The following SYT1 variants were observed in gnomAD, a reference collection of about 807,000 sequenced individuals.
SYT1 encodes synaptotagmin-1.
SYT1 carries 8 observed loss-of-function variants against 44.8 expected under a neutral mutation model. That is an observed-to-expected ratio of 0.18 (90% CI 0.10 to 0.32). SYT1 has a LOEUF of 0.32. SYT1 is among the 10% of genes least tolerant of loss of function. The pLI is 1.00. For synonymous variants in SYT1, 154 were observed against 188.8 expected, an observed-to-expected ratio of 0.82 and a Z score of 1.51; for missense variants, 286 against 509.3, an observed-to-expected ratio of 0.56 and a Z score of 4.22.
chr12:78,957,505 A>T (rs112157835), intron 1 of SYT1, among the ~76,000 whole-genome samples: 1,650 of 152,302 alleles, frequency 0.011, 15 homozygotes, highest in Non-Finnish European at 0.016. Flanking sequence ...CTTTGGGATG[A>T]ATTTTATTGA....
chr12:79,450,090 TTC>T lies in SYT1; in HGVS notation c.*968_*969del, dbSNP rs920431106. 2.0e-5 allele frequency: 3 copies of T among 152,366 alleles called. No individual in the cohort carries two copies. Among genetic ancestry groups the T allele is most frequent in the African/African-American group, 7.2e-5 (3 of 41,416 alleles). 9.4% of individuals were successfully genotyped at this position (152,366 alleles called of 1,614,324 possible). ...TTATACAAAATGTACATCCTGTGAA[TTC>T]TGTTCCAGATTTCACACCTACAATA... On this transcript the variant is annotated 3_prime_UTR_variant, in exon 11 of 11. Coordinates refer to ENST00000261205, the MANE Select transcript of SYT1 (RefSeq NM_005639.3).
intron 1 of SYT1, among the ~76,000 whole-genome samples, chr12:78,875,398 A>G (rs1874013403): frequency 6.6e-6 from 1 of 151,576 alleles, no homozygotes. Context: ...TATATAATAA[A>G]TACTATAAAA....
At chr12:79,068,483 G>A (rs1876032002) in intron 3 of SYT1, among the ~76,000 whole-genome samples, 1 of 152,120 alleles carries the variant, frequency 6.6e-6, no homozygotes, top group Admixed American at 6.6e-5. Flanking sequence ...CATATGCGAA[G>A]TGGATAAATT....
At chr12:79,123,818 C>A (rs1014301450) in intron 3 of SYT1, among the ~76,000 whole-genome samples, 5 of 151,796 alleles carry the variant, frequency 3.3e-5, no homozygotes, top group African/African-American at 9.7e-5. Context: ...AATATTAGTT[C>A]TTTATTTCAT....
intron 4 of SYT1, among the ~76,000 whole-genome samples, chr12:79,252,319 G>GATT (rs1185449723): frequency 6.6e-6 from 1 of 151,984 alleles, no homozygotes; most frequent in Non-Finnish European, 1.5e-5. Flanking sequence ...TAATTTTAAG[G>GATT]ATTATTATCA....
chr12:79,331,614 C>T (rs1881858680), intron 8 of SYT1, among the ~76,000 whole-genome samples: 1 of 152,088 alleles, frequency 6.6e-6, no homozygotes, highest in South Asian at 2.1e-4. Context: ...CCCTTTGCAG[C>T]ATTTTTTATC....
chr12:79,386,459 A>G (rs905076722), intron 9 of SYT1, among the ~76,000 whole-genome samples: 1 of 151,970 alleles, frequency 6.6e-6, no homozygotes, highest in Non-Finnish European at 1.5e-5. Context: ...CCATCAACCC[A>G]TCATCTACAT....
chr12:78,983,143 C>T (rs1024790390), intron 2 of SYT1, among the ~76,000 whole-genome samples: 2 of 151,558 alleles, frequency 1.3e-5, no homozygotes, highest in Non-Finnish European at 2.9e-5. Context: ...TTGATTCTTA[C>T]TGTTTTCAAC....
intron 3 of SYT1, among the ~76,000 whole-genome samples, chr12:79,149,148 T>C (rs1212295425): frequency 2.6e-5 from 4 of 152,072 alleles, no homozygotes; most frequent in African/African-American, 7.2e-5. Context: ...ATTTTTTTAC[T>C]TTATTTGACT....
At chr12:79,406,083 A>T (rs1885233953) in intron 9 of SYT1, among the ~76,000 whole-genome samples, 1 of 152,180 alleles carries the variant, frequency 6.6e-6, no homozygotes, top group South Asian at 2.1e-4. Context: ...AAAGGGAGTC[A>T]GTAAGACCAA....
At chr12:79,225,868 T>A (rs908223057) in intron 4 of SYT1, among the ~76,000 whole-genome samples, 6 of 152,186 alleles carry the variant, frequency 3.9e-5, no homozygotes, top group African/African-American at 1.4e-4. Context: ...TCTCACCCCA[T>A]CTTTGCCAGT....
intron 9 of SYT1, among the ~76,000 whole-genome samples, chr12:79,389,092 T>C (rs934644517): frequency 6.6e-6 from 1 of 152,238 alleles, no homozygotes; most frequent in Admixed American, 6.5e-5. Flanking sequence ...ACTCTCTCTC[T>C]ACTTACAACA....
intron 1 of SYT1, among the ~76,000 whole-genome samples, chr12:78,877,491 C>T (rs1565698320): frequency 6.6e-6 from 1 of 151,656 alleles, no homozygotes; most frequent in African/African-American, 2.4e-5. Context: ...TATTTTCTAA[C>T]ATTTTTAACT....
At chr12:79,041,249 C>T (rs1873545539) in intron 2 of SYT1, among the ~76,000 whole-genome samples, 1 of 152,072 alleles carries the variant, frequency 6.6e-6, no homozygotes, top group East Asian at 1.9e-4. Flanking sequence ...ATTCTTCCTA[C>T]CCATGAGCAT....
At chr12:78,870,538 G>A (rs932987624) in intron 1 of SYT1, among the ~76,000 whole-genome samples, 1 of 152,030 alleles carries the variant, frequency 6.6e-6, no homozygotes, top group Non-Finnish European at 1.5e-5. Context: ...AAACATATTT[G>A]AAGAGTTTGA....
intron 2 of SYT1, among the ~76,000 whole-genome samples, chr12:79,005,446 C>T (rs985222058): frequency 3.3e-5 from 5 of 152,010 alleles, no homozygotes; most frequent in Admixed American, 1.3e-4. Flanking sequence ...CACTCATCTA[C>T]AGTTTCCTTA....
At chr12:78,944,833 T>C (rs943531292) in intron 1 of SYT1, among the ~76,000 whole-genome samples, 4 of 152,208 alleles carry the variant, frequency 2.6e-5, no homozygotes, top group Non-Finnish European at 1.5e-5. Context: ...TGTAGTCTTA[T>C]GTCATAATAA....
chr12:79,359,688 C>T (rs962695079), intron 9 of SYT1, among the ~76,000 whole-genome samples: 5 of 152,102 alleles, frequency 3.3e-5, no homozygotes, highest in East Asian at 1.9e-4. Flanking sequence ...GTCCCCCTCC[C>T]TCCACCCACA....
chr12:79,140,555 G>A (rs780686118), intron 3 of SYT1, among the ~76,000 whole-genome samples: 6 of 152,154 alleles, frequency 3.9e-5, no homozygotes, highest in Non-Finnish European at 8.8e-5. Context: ...AGGCCTAACT[G>A]ACTATAAAAG....
Sources: gnomAD v4.1 joint callset for allele counts (sites outside exome capture counted in the v4.1 genomes callset) on GRCh38, gnomAD v4.1.1 for gene constraint, MANE v1.5 for transcripts, NCBI Gene and HGNC (gene_info 2026-07-23, HGNC 2026-07-21) for gene names.